NHSL1: variants seen among roughly 807,000 people sequenced by gnomAD.
NHSL1 encodes the protein NHS like 1, also known as NHS-like protein 1.
NHSL1 carries 48 observed loss-of-function variants against 95.0 expected under a neutral mutation model. The observed-to-expected ratio is 0.51, with a 90% CI of 0.40 to 0.64. NHSL1 has a LOEUF of 0.64. Among genes scored for constraint, NHSL1 ranks in the 30% least tolerant of loss-of-function variants. NHSL1 has a pLI of 0.00. For synonymous variants in NHSL1, 783 were observed against 833.9 expected (o/e 0.94, Z 1.05); for missense variants, 1,971 against 2,077.7 (o/e 0.95, Z 1.00).
upstream of NHSL1, among the ~76,000 whole-genome samples, chr6:138,573,117 C>T (rs1311498824): frequency 1.6e-4 from 24 of 152,182 alleles, no homozygotes; most frequent in Admixed American, 1.5e-3. Flanking sequence ...TCCTCTCCAA[C>T]CTTGAATGAT....
intron 2 of NHSL1, among the ~76,000 whole-genome samples, chr6:138,474,699 T>C (rs1186919427): frequency 6.6e-6 from 1 of 152,182 alleles, no homozygotes; most frequent in African/African-American, 2.4e-5. Context: ...ACTTGTAATA[T>C]TGATTAAAAT....
intron 1 of NHSL1, among the ~76,000 whole-genome samples, chr6:138,536,602 C>CTTTTTTTTT (rs563509738): frequency 1.1e-4 from 9 of 80,036 alleles, no homozygotes; most frequent in Non-Finnish European, 1.9e-4. Flanking sequence ...CATATGTCAT[C>CTTTTTTTTT]TTTTTTTTTT....
chr6:138,468,166 C>G (rs1429599850), intron 3 of NHSL1, among the ~76,000 whole-genome samples: 1 of 152,198 alleles, frequency 6.6e-6, no homozygotes, highest in Non-Finnish European at 1.5e-5. Flanking sequence ...ACTGACTCAC[C>G]CAGAGCAACT....
chr6:138,662,422 C>G (rs1292687379), intron 1 of NHSL1, among the ~76,000 whole-genome samples: 1 of 152,188 alleles, frequency 6.6e-6, no homozygotes, highest in Non-Finnish European at 1.5e-5. Flanking sequence ...CTTGGAAAGC[C>G]ATTATTTTTA....
At chr6:138,505,158 C>T (rs770884097) in intron 1 of NHSL1, among the ~76,000 whole-genome samples, 2 of 152,084 alleles carry the variant, frequency 1.3e-5, no homozygotes, top group Admixed American at 6.6e-5. Context: ...ACCCACAGGC[C>T]CTCCTCAGTG....
At chr6:138,570,634 G>A (rs1282786913) in intron 1 of NHSL1, among the ~76,000 whole-genome samples, 1 of 152,206 alleles carries the variant, frequency 6.6e-6, no homozygotes, top group Non-Finnish European at 1.5e-5. Context: ...CATTCACTCT[G>A]AAGAAGGGCT....
At chr6:138,556,237 G>T (rs557943036) in intron 1 of NHSL1, among the ~76,000 whole-genome samples, 4 of 152,028 alleles carry the variant, frequency 2.6e-5, no homozygotes, top group Admixed American at 6.6e-5. Flanking sequence ...CATTAGAAAA[G>T]AAAGACATCT....
chr6:138,668,404 T>C (rs1202852992), intron 1 of NHSL1, among the ~76,000 whole-genome samples: 5 of 151,678 alleles, frequency 3.3e-5, no homozygotes, highest in Admixed American at 6.6e-5. Context: ...GATGGTGCCA[T>C]TGCACTCCAA....
intron 1 of NHSL1, among the ~76,000 whole-genome samples, chr6:138,670,499 T>C (rs1259869534): frequency 6.6e-6 from 1 of 150,610 alleles, no homozygotes; most frequent in East Asian, 2.0e-4. Context: ...ACCCCGTCTC[T>C]ACTAAAAATA....
intron 1 of NHSL1, among the ~76,000 whole-genome samples, chr6:138,537,924 C>T (rs189859851): frequency 1.8e-4 from 27 of 152,218 alleles, no homozygotes; most frequent in Admixed American, 8.5e-4. Flanking sequence ...GAGCATCAGA[C>T]AGGAAGAGTT....
chr6:138,587,300 C>T lies in NHSL1; in HGVS notation c.97-90929G>A, dbSNP rs1017723824. Among the ~76,000 whole-genome samples, 14 of 151,390 alleles carry T rather than the reference C, an allele frequency of 9.2e-5. No individual in the cohort carries two copies. In the South Asian group the frequency reaches 1.5e-3, roughly 16 times the overall value. On this transcript the variant is annotated intron_variant, in intron 1 of 3. Coordinates refer to the NHSL1 transcript ENST00000491526. ...ACTTGTGTTTTTAAACAGCTTCATGCGCCTGGAGCAGTGGCTCACACCTGT... is the reference window on the plus strand; with the variant it reads ...ACTTGTGTTTTTAAACAGCTTCATGTGCCTGGAGCAGTGGCTCACACCTGT...
chr6:138,561,128 T>C (rs1783393681), intron 1 of NHSL1, among the ~76,000 whole-genome samples: 1 of 152,256 alleles, frequency 6.6e-6, no homozygotes, highest in African/African-American at 2.4e-5. Context: ...TCTTGTTCTA[T>C]ACCTTTTTCA....
intron 1 of NHSL1, among the ~76,000 whole-genome samples, chr6:138,663,743 T>C (rs1785260163): frequency 6.6e-6 from 1 of 151,904 alleles, no homozygotes; most frequent in African/African-American, 2.4e-5. Context: ...TGGTGGTGAA[T>C]GCTTGTAGTC....
rs528458419 is a variant in NHSL1, at chr6:138,427,119, A to G, written c.4086-2303T>C. ...CTTTTAGGTATTGGCTGGTGACTTA[A>G]TTTGTAATTTAGATTTTAAACGGTG... On this transcript the variant is annotated intron_variant, in intron 7 of 7. Coordinates refer to ENST00000343505, the MANE Select transcript of NHSL1 (RefSeq NM_001144060.2). Among the ~76,000 whole-genome samples the G allele has an allele frequency of 2.0e-4, 30 of 152,318 alleles. No individual in the cohort carries two copies. The East Asian group carries it at 4.4e-3, about 23-fold the overall frequency.
At chr6:138,492,224 G>A (rs1039140314) in intron 2 of NHSL1, among the ~76,000 whole-genome samples, 2 of 152,206 alleles carry the variant, frequency 1.3e-5, no homozygotes, top group African/African-American at 4.8e-5. Context: ...GTGGGGATGG[G>A]AGCAGGAGGG....
intron 1 of NHSL1, 107 bp from the exon 2 acceptor site, chr6:138,496,478 C>G: frequency 2.7e-6 from 3 of 1,108,236 alleles, no homozygotes; most frequent in African/African-American, 1.6e-5. Context: ...TAAGGGCCAG[C>G]AAGGGAGCAA....
intron 1 of NHSL1, among the ~76,000 whole-genome samples, chr6:138,550,899 T>C (rs1782977767): frequency 6.6e-6 from 1 of 152,064 alleles, no homozygotes. Flanking sequence ...GATGGAAAAA[T>C]CCTTCTCCAT....
At position 138,422,147 on chromosome 6, in the gene NHSL1, T is replaced by A. The variant is rs1235756125; in HGVS notation, c.*1934A>T. ...TTTTATAATTAGTGTTATGTTGCTT[T>A]ATCTTATCTTTGCATAAATTATGTA... On this transcript the variant is annotated 3_prime_UTR_variant, in exon 8 of 8. Transcript: ENST00000343505. 1 of 152,260 alleles carries A rather than the reference T, an allele frequency of 6.6e-6. No individual in the cohort carries two copies. The highest frequency in any genetic ancestry group is 1.5e-5 in the Non-Finnish European group (1 of 68,050). 9.4% of individuals were successfully genotyped at this position (152,260 alleles called of 1,614,324 possible).
At chr6:138,478,144 G>T (rs1312866999) in intron 2 of NHSL1, among the ~76,000 whole-genome samples, 3 of 149,490 alleles carry the variant, frequency 2.0e-5, no homozygotes, top group African/African-American at 7.4e-5. Flanking sequence ...CTTCTGAGTA[G>T]GTGGGAATAC....
Sources: allele counts gnomAD v4.1 joint callset (sites outside exome capture counted in the v4.1 genomes callset), GRCh38; gene constraint gnomAD v4.1.1; transcripts MANE v1.5; gene names NCBI Gene and HGNC (gene_info 2026-07-23, HGNC 2026-07-21).